The following KCNMB2 variants were observed in gnomAD, a reference collection of about 807,000 sequenced individuals.
KCNMB2 encodes the protein calcium-activated potassium channel subunit beta-2.
In KCNMB2, 9 loss-of-function variants were observed where a neutral mutation model predicts 24.5. The ratio of observed to expected loss-of-function variants is 0.37; its 90% confidence interval spans 0.22 to 0.64. The LOEUF is 0.64. KCNMB2 is among the 30% of genes least tolerant of loss of function. KCNMB2 has a pLI of 0.63. For synonymous variants in KCNMB2, 109 were observed against 104.4 expected (o/e 1.04, Z -0.27); for missense variants, 226 against 284.3 (o/e 0.79, Z 1.47).
chr3:178,544,343 C>T (rs1463549617), intron 1 of KCNMB2, among the ~76,000 whole-genome samples: 1 of 152,168 alleles, frequency 6.6e-6, no homozygotes, highest in African/African-American at 2.4e-5. Flanking sequence ...CTCTCCCTTC[C>T]TCTCTGCTGT....
chr3:178,681,913 C>A (rs1721283769), intron 1 of KCNMB2, among the ~76,000 whole-genome samples: 1 of 152,144 alleles, frequency 6.6e-6, no homozygotes, highest in African/African-American at 2.4e-5. Context: ...TCAGCATAAC[C>A]CTCAACTTGA....
At chr3:178,760,446 A>G (rs1711795572) in intron 1 of KCNMB2, among the ~76,000 whole-genome samples, 1 of 140,590 alleles carries the variant, frequency 7.1e-6, no homozygotes, top group Non-Finnish European at 1.5e-5. Context: ...TATATATATT[A>G]TATATATATC....
At chr3:178,719,204 C>T (rs147027562) in intron 1 of KCNMB2, among the ~76,000 whole-genome samples, 1 of 131,000 alleles carries the variant, frequency 7.6e-6, no homozygotes, top group East Asian at 2.0e-4. Context: ...CACCCTTTCT[C>T]CTGTCAGCAT....
chr3:178,842,877 G>A lies in KCNMB2; in HGVS notation c.648G>A (p.Met216Ile). 6.2e-7 allele frequency: 1 copy of A among 1,613,952 alleles called. No individual in the cohort carries two copies. The highest frequency in any genetic ancestry group is 1.1e-5 in the South Asian group (1 of 91,076). ...CTGGGGGTGTGGCAATTGTTGCCAT[G>A]GTGAAACTTACACAGTACCTCTCCC... is the stretch of plus-strand genomic sequence containing the variant. Reference protein sequence around the residue: ...MMAGGVAIVAMVKLTQYLSLL... With the variant: ...MMAGGVAIVAIVKLTQYLSLL... Residue 216 changes from methionine to isoleucine, a missense_variant, in exon 5 of 5, where the codon ATG becomes ATA. Met to Ile is a conservative substitution (Grantham distance 10). Coordinates refer to ENST00000452583, the MANE Select transcript of KCNMB2 (RefSeq NM_181361.3).
intron 1 of KCNMB2, among the ~76,000 whole-genome samples, chr3:178,558,336 T>A (rs1290787795): frequency 6.6e-6 from 1 of 152,208 alleles, no homozygotes; most frequent in Non-Finnish European, 1.5e-5. Flanking sequence ...GTCACAGGAC[T>A]TATTTTAAGT....
At chr3:178,602,847 T>C (rs1199133515) in intron 1 of KCNMB2, among the ~76,000 whole-genome samples, 1 of 152,162 alleles carries the variant, frequency 6.6e-6, no homozygotes, top group Non-Finnish European at 1.5e-5. Context: ...TGCTGGTGAA[T>C]TTGCAATTTG....
intron 1 of KCNMB2, among the ~76,000 whole-genome samples, chr3:178,687,088 G>T (rs78934499): frequency 6.6e-6 from 1 of 152,066 alleles, no homozygotes; most frequent in African/African-American, 2.4e-5. Flanking sequence ...AGTAGGGGTG[G>T]CTAAGGATAA....
In KCNMB2 at chr3:178,568,186, A is replaced by G. The variant is rs189631640; in HGVS notation, c.-68+31475A>G. On this transcript the variant is annotated intron_variant, in intron 1 of 4. Coordinates refer to ENST00000452583, the MANE Select transcript of KCNMB2 (RefSeq NM_181361.3). Reference sequence around the variant, plus strand: ...AGTTAGACTTGGTTTATAATTTAATATATACTCAGACACAGATAAGAAGAT... The same window carrying G: ...AGTTAGACTTGGTTTATAATTTAATGTATACTCAGACACAGATAAGAAGAT... Among the ~76,000 whole-genome samples the G allele has an allele frequency of 2.0e-4, 31 of 152,314 alleles. No individual in the cohort carries two copies. In the East Asian group the frequency reaches 5.6e-3, roughly 27 times the overall value.
At chr3:178,815,497 C>A (rs1347969955) in intron 2 of KCNMB2, among the ~76,000 whole-genome samples, 1 of 152,028 alleles carries the variant, frequency 6.6e-6, no homozygotes. Flanking sequence ...GGTGAATACG[C>A]TTTTATTTCT....
At chr3:178,814,560 G>A (rs191588616) in intron 2 of KCNMB2, among the ~76,000 whole-genome samples, 1 of 152,264 alleles carries the variant, frequency 6.6e-6, no homozygotes, top group East Asian at 1.9e-4. Flanking sequence ...TCTCCACACT[G>A]CTTTTCATAG....
intron 4 of KCNMB2, among the ~76,000 whole-genome samples, chr3:178,833,379 C>T (rs1053921833): frequency 2.0e-5 from 3 of 152,190 alleles, no homozygotes; most frequent in Non-Finnish European, 4.4e-5. Context: ...AAACATTTGG[C>T]TCACTTTCCT....
chr3:178,616,222 C>G (rs1446404090), intron 1 of KCNMB2, among the ~76,000 whole-genome samples: 1 of 152,120 alleles, frequency 6.6e-6, no homozygotes, highest in Non-Finnish European at 1.5e-5. Flanking sequence ...ATCTCTGAGC[C>G]TAGTTTGTCA....
intron 1 of KCNMB2, among the ~76,000 whole-genome samples, chr3:178,697,772 C>T (rs1357395187): frequency 6.6e-6 from 1 of 152,188 alleles, no homozygotes; most frequent in Non-Finnish European, 1.5e-5. Context: ...GTGCTTCCTT[C>T]AGAAGCTCTT....
intron 1 of KCNMB2, among the ~76,000 whole-genome samples, chr3:178,734,927 G>A (rs780179983): frequency 6.6e-6 from 1 of 152,154 alleles, no homozygotes; most frequent in Non-Finnish European, 1.5e-5. Context: ...TGCCAGCTAA[G>A]ATCTTTTCAC....
intron 1 of KCNMB2, among the ~76,000 whole-genome samples, chr3:178,539,887 C>G (rs1715560072): frequency 6.6e-6 from 1 of 152,004 alleles, no homozygotes; most frequent in South Asian, 2.1e-4. Flanking sequence ...CTATAAATTT[C>G]TTCTTTATCT....
At chr3:178,803,219 C>A (rs1239634029) in intron 1 of KCNMB2, among the ~76,000 whole-genome samples, 1 of 152,182 alleles carries the variant, frequency 6.6e-6, no homozygotes, top group East Asian at 1.9e-4. Flanking sequence ...AGGAGGCAAA[C>A]AAACAAATGG....
chr3:178,550,026 A>G (rs1021895702), intron 1 of KCNMB2, among the ~76,000 whole-genome samples: 32 of 152,164 alleles, frequency 2.1e-4, no homozygotes, highest in Admixed American at 1.6e-3. Flanking sequence ...TTACCTTGAT[A>G]AGGTCAGTGT....
chr3:178,672,836 C>T (rs1004723108), intron 1 of KCNMB2, among the ~76,000 whole-genome samples: 1 of 152,156 alleles, frequency 6.6e-6, no homozygotes, highest in African/African-American at 2.4e-5. Flanking sequence ...GTGATATTGT[C>T]CATCTTCCTA....
chr3:178,666,583 C>T (rs1023136798), intron 1 of KCNMB2, among the ~76,000 whole-genome samples: 4 of 152,064 alleles, frequency 2.6e-5, no homozygotes, highest in East Asian at 1.9e-4. Context: ...ATAAAACTCG[C>T]ATATGAAATA....
Sources: gnomAD v4.1 joint callset for allele counts (sites outside exome capture counted in the v4.1 genomes callset) on GRCh38, gnomAD v4.1.1 for gene constraint, MANE v1.5 for transcripts, NCBI Gene and HGNC (gene_info 2026-07-23, HGNC 2026-07-21) for gene names.